Variants in RARB observed in about 807,000 individuals in gnomAD.
RARB encodes the protein retinoic acid receptor beta.
RARB carries 17 observed loss-of-function variants against 51.9 expected under a neutral mutation model. The ratio of observed to expected loss-of-function variants is 0.33; its 90% CI spans 0.22 to 0.49. The LOEUF is 0.49. Ranked by LOEUF, RARB falls within the 20% of genes least tolerant of loss-of-function variation. The probability of loss-of-function intolerance (pLI) is 0.99; values close to 1 mark genes in which losing one functional copy is unlikely to be tolerated. For missense variants in RARB, 369 were observed against 550.8 expected, an observed-to-expected ratio of 0.67 and a Z score of 3.30; for synonymous variants, 215 against 195.4, an observed-to-expected ratio of 1.10 and a Z score of -0.84.
chr3:25,011,152 G>C (rs1304313580), intron 2 of RARB, among the ~76,000 whole-genome samples: 3 of 152,142 alleles, frequency 2.0e-5, no homozygotes, highest in Admixed American at 6.6e-5. Flanking sequence ...GAATAAAGCA[G>C]ACAGAAATCC....
At chr3:24,867,826 A>C (rs148941800) in intron 2 of RARB, among the ~76,000 whole-genome samples, 2 of 152,174 alleles carry the variant, frequency 1.3e-5, no homozygotes, top group East Asian at 3.9e-4. Flanking sequence ...AGAAAAGCCC[A>C]CAAAAACAAC....
chr3:25,144,824 G>T (rs556835029), intron 4 of RARB, among the ~76,000 whole-genome samples: 1 of 152,332 alleles, frequency 6.6e-6, no homozygotes, highest in South Asian at 2.1e-4. Flanking sequence ...ATGGACTAAT[G>T]AACAATACAT....
rs550681876 is a variant in RARB at position 25,226,925 on chromosome 3, G to A, written c.178+52350G>A. ...ATTGAAAACATGTCACACTGTAAGAGACCAATTATATGATAGCCCACAATG... is the reference window on the plus strand; with the variant it reads ...ATTGAAAACATGTCACACTGTAAGAAACCAATTATATGATAGCCCACAATG... On this transcript the variant is annotated intron_variant, in intron 5 of 11. Coordinates refer to the RARB transcript ENST00000383772. Among the ~76,000 whole-genome samples, 9 of 152,306 alleles carry A rather than the reference G, an allele frequency of 5.9e-5. No homozygotes were observed. The South Asian group carries it at 1.9e-3, about 32-fold the overall frequency.
intron 5 of RARB, among the ~76,000 whole-genome samples, chr3:25,401,683 G>A: frequency 6.6e-6 from 1 of 152,200 alleles, no homozygotes; most frequent in African/African-American, 2.4e-5. Context: ...TTAGTGAACT[G>A]TAAGATAGGT....
At chr3:25,235,410 GA>G (rs1702279819) in intron 5 of RARB, among the ~76,000 whole-genome samples, 1 of 152,064 alleles carries the variant, frequency 6.6e-6, no homozygotes, top group Non-Finnish European at 1.5e-5. Context: ...GAATTTGGGG[GA>G]TATTTGAAGT....
intron 2 of RARB, among the ~76,000 whole-genome samples, chr3:24,876,311 A>T (rs1184550545): frequency 6.6e-6 from 1 of 152,122 alleles, no homozygotes; most frequent in Non-Finnish European, 1.5e-5. Context: ...TGTCTATGAC[A>T]ATTATCACTG....
chr3:25,447,430 A>T (rs1708997672), intron 1 of RARB, among the ~76,000 whole-genome samples: 1 of 152,204 alleles, frequency 6.6e-6, no homozygotes, highest in Admixed American at 6.5e-5. Flanking sequence ...TTGCGTGGGC[A>T]GGAGATAGTG....
intron 3 of RARB, among the ~76,000 whole-genome samples, chr3:25,119,975 A>C (rs1478155653): frequency 6.6e-6 from 1 of 152,122 alleles, no homozygotes; most frequent in Non-Finnish European, 1.5e-5. Context: ...ATAGAGCACA[A>C]GGAGAGTTTA....
chr3:25,108,044 A>G (rs1699538897), intron 3 of RARB, among the ~76,000 whole-genome samples: 1 of 152,182 alleles, frequency 6.6e-6, no homozygotes, highest in African/African-American at 2.4e-5. Flanking sequence ...TTAACAGTAG[A>G]TCTGATCACC....
At chr3:25,202,448 T>C (rs1018536420) in intron 5 of RARB, among the ~76,000 whole-genome samples, 41 of 152,350 alleles carry the variant, frequency 2.7e-4, no homozygotes, top group African/African-American at 9.9e-4. Context: ...AGTTCTGCTC[T>C]GATCTTAGTT....
intron 7 of RARB, 35 bp from the exon 8 acceptor site, chr3:25,596,385 A>G: frequency 6.5e-7 from 1 of 1,541,770 alleles, no homozygotes; most frequent in Non-Finnish European, 8.9e-7. Context: ...TTAACTCCTT[A>G]TCTTAACCAT....
chr3:25,588,904 TTCAGAAG>T (rs903145914), intron 5 of RARB, among the ~76,000 whole-genome samples: 14 of 152,116 alleles, frequency 9.2e-5, no homozygotes, highest in Admixed American at 9.2e-4. Flanking sequence ...GTGACCTAGT[TTCAGAAG>T]TCACACACCA....
At chr3:25,005,813 G>T (rs1697259466) in intron 2 of RARB, among the ~76,000 whole-genome samples, 1 of 152,130 alleles carries the variant, frequency 6.6e-6, no homozygotes, top group African/African-American at 2.4e-5. Flanking sequence ...ATGCAAGTCA[G>T]ATTGTATCAT....
intron 2 of RARB, among the ~76,000 whole-genome samples, chr3:24,933,557 A>G (rs1695486285): frequency 6.6e-6 from 1 of 152,078 alleles, no homozygotes; most frequent in African/African-American, 2.4e-5. Context: ...GAGACGCAGT[A>G]AGGGCTTATG....
rs185383258 is a variant in RARB, at chr3:25,218,430, T to C, written c.178+43855T>C. Among the ~76,000 whole-genome samples the C allele has an allele frequency of 7.2e-5, 11 of 152,272 alleles. No homozygotes were observed. In the East Asian group the frequency reaches 2.1e-3, roughly 30 times the overall value. ...TAGTTCCCAAGTTGTTCCTTTTCAC[T>C]TGTGAAAAGTGTCATTGTAAAATAG... On this transcript the variant is annotated intron_variant, in intron 5 of 11. Transcript: ENST00000383772.
At chr3:24,922,908 G>A (rs934239148) in intron 2 of RARB, among the ~76,000 whole-genome samples, 1 of 152,132 alleles carries the variant, frequency 6.6e-6, no homozygotes, top group African/African-American at 2.4e-5. Flanking sequence ...ATAAAATCTT[G>A]GGACAGCTAG....
intron 5 of RARB, among the ~76,000 whole-genome samples, chr3:25,326,852 ATTATAC>A (rs1704731227): frequency 6.6e-6 from 1 of 151,842 alleles, no homozygotes; most frequent in African/African-American, 2.4e-5. Context: ...TTTTATTATT[ATTATAC>A]TTTAACTTTT....
chr3:25,477,172 C>T (rs771489768), intron 2 of RARB, among the ~76,000 whole-genome samples: 2 of 152,182 alleles, frequency 1.3e-5, no homozygotes, highest in Non-Finnish European at 2.9e-5. Flanking sequence ...TGTCAATAGG[C>T]ATCCTTTATT....
intron 4 of RARB, among the ~76,000 whole-genome samples, chr3:25,571,195 A>G (rs1700697289): frequency 6.6e-6 from 1 of 152,212 alleles, no homozygotes; most frequent in African/African-American, 2.4e-5. Context: ...CTCCTGGCTG[A>G]GCTCAGAGAC....
Sources: allele counts gnomAD v4.1 joint callset (sites outside exome capture counted in the v4.1 genomes callset), GRCh38; gene constraint gnomAD v4.1.1; transcripts MANE v1.5; gene names NCBI Gene and HGNC (gene_info 2026-07-23, HGNC 2026-07-21).